COA6: variants seen among roughly 807,000 people sequenced by gnomAD.
COA6 encodes the protein cytochrome c oxidase assembly factor 6 homolog.
COA6 carries 12 observed loss-of-function variants against 17.1 expected under a neutral mutation model. The ratio of observed to expected loss-of-function variants is 0.70; its 90% CI spans 0.45 to 1.14. The LOEUF is 1.14. Among genes scored for constraint, COA6 ranks in the 50% most tolerant of loss-of-function variants. The pLI is 0.00. For missense variants in COA6, 246 were observed against 196.5 expected, an observed-to-expected ratio of 1.25 and a Z score of -1.51; for synonymous variants, 90 against 73.4, an observed-to-expected ratio of 1.23 and a Z score of -1.16.
At chr1:234,373,968 T>C in intron 1 of COA6, 1 of 1,211,676 alleles carries the variant, frequency 8.3e-7, no homozygotes, top group Non-Finnish European at 1.1e-6. Flanking sequence ...CCGGGCTTTC[T>C]GAGCCCACGC....
intron 2 of COA6, among the ~76,000 whole-genome samples, chr1:234,377,057 G>GCCC (rs113737176): frequency 1.7e-5 from 1 of 57,616 alleles, no homozygotes; most frequent in Non-Finnish European, 2.9e-5. Flanking sequence ...TTGCTGTGTT[G>GCCC]CCGAGAGAGA....
chr1:234,381,484 G>T (rs1339022935), intron 2 of COA6, among the ~76,000 whole-genome samples: 1 of 152,186 alleles, frequency 6.6e-6, no homozygotes, highest in African/African-American at 2.4e-5. Context: ...AGAGAGGATG[G>T]ACAGGGGCGC....
intron 2 of COA6, among the ~76,000 whole-genome samples, chr1:234,376,047 G>A (rs1268551220): frequency 6.6e-6 from 1 of 152,176 alleles, no homozygotes; most frequent in Non-Finnish European, 1.5e-5. Context: ...TGCATAACTT[G>A]ACATGTAAAC....
In COA6 at chr1:234,384,342, C is replaced by CA. The variant is rs1314764293; in HGVS notation, c.*530dup. ...TGGATGTCTAGCTAGTCCAGTGAGA[C>CA]AAAAAAGAAAAAGCATACACACTGG... On this transcript the variant is annotated 3_prime_UTR_variant, in exon 3 of 3. Coordinates refer to ENST00000366615, the MANE Select transcript of COA6 (RefSeq NM_001206641.3). 2.0e-5 allele frequency among the ~76,000 whole-genome samples: 3 copies of CA among 151,778 alleles called. No individual in the cohort carries two copies. Among genetic ancestry groups the CA allele is most frequent in the Non-Finnish European group, 4.4e-5 (3 of 67,870 alleles).
intron 2 of COA6, among the ~76,000 whole-genome samples, chr1:234,377,252 G>T (rs1213481457): frequency 6.6e-6 from 1 of 151,762 alleles, no homozygotes; most frequent in African/African-American, 2.4e-5. Context: ...TCAGCCTCCT[G>T]AGTAGCTGGG....
intron 1 of COA6, 178 bp downstream of exon 1, chr1:234,373,856 C>A (rs768367983): frequency 1.9e-6 from 3 of 1,611,144 alleles, no homozygotes; most frequent in Non-Finnish European, 2.5e-6. Context: ...AACAGTAACC[C>A]TGTAAACTAG....
rs560012786 is a variant in COA6 at position 234,376,590 on chromosome 1, C to A, written c.372+2201C>A. 3.3e-5 allele frequency among the ~76,000 whole-genome samples: 5 copies of A among 152,338 alleles called. No individual in the cohort carries two copies. In the East Asian group the frequency reaches 9.6e-4, roughly 29 times the overall value. The stretch of plus-strand genomic sequence containing the variant: ...TTGAACTCAGTAGTCTGATTCCAGA[C>A]CCCACATACTTCTTCCTATGCCTAC... On this transcript the variant is annotated intron_variant, in intron 2 of 2. Coordinates refer to ENST00000366615, the MANE Select transcript of COA6 (RefSeq NM_001206641.3).
intron 1 of COA6, chr1:234,373,894 G>A (rs948505811): frequency 6.3e-7 from 1 of 1,580,210 alleles, no homozygotes; most frequent in Non-Finnish European, 8.6e-7. Context: ...TTACTGGTGG[G>A]AAACGGGCTC....
At chr1:234,379,615 G>A (rs1658912380) in intron 2 of COA6, among the ~76,000 whole-genome samples, 1 of 152,144 alleles carries the variant, frequency 6.6e-6, no homozygotes, top group Admixed American at 6.5e-5. Flanking sequence ...ATAAAGAACT[G>A]CCTGAGACTG....
rs60042887 is a variant in COA6, at chr1:234,383,573, G to GACACACAC, written c.373-132_373-125dup. 7.1e-3 allele frequency: 3,361 copies of GACACACAC among 473,076 alleles called. 75 individuals are homozygous for GACACACAC. The highest frequency in any genetic ancestry group is 0.054 in the African/African-American group (2,568 of 47,738). 29.3% of individuals were successfully genotyped at this position (473,076 alleles called of 1,614,324 possible). A position where few individuals can be genotyped will look rare whatever the true frequency, so the allele number is the denominator to read the frequency against. On this transcript the variant is annotated intron_variant, in intron 2 of 2. Coordinates refer to ENST00000366615, the MANE Select transcript of COA6 (RefSeq NM_001206641.3). ...AAAAACATCATTCATAGTTACAGCT[G>GACACACAC]ACACACACACACACACACACACACA...
chr1:234,377,622 TGTGAGCTCA>T (rs1289685357), intron 2 of COA6, among the ~76,000 whole-genome samples: 3 of 152,220 alleles, frequency 2.0e-5, no homozygotes, highest in Non-Finnish European at 4.4e-5. Flanking sequence ...AAGTTAGGGC[TGTGAGCTCA>T]GCTGCTGTCC....
intron 2 of COA6, among the ~76,000 whole-genome samples, chr1:234,382,252 G>A (rs58418656): frequency 0.099 from 15,022 of 152,276 alleles, 870 homozygotes; most frequent in African/African-American, 0.14. Context: ...AAAAGATTGA[G>A]TGTCATGTTC....
intron 2 of COA6, among the ~76,000 whole-genome samples, chr1:234,377,133 T>TTTTTTTTTG (rs60899682): frequency 2.9e-5 from 2 of 69,544 alleles, no homozygotes; most frequent in Admixed American, 1.5e-4. Context: ...TTTTGTTTTT[T>TTTTTTTTTG]TTGTTGTTGT....
At position 234,373,569 on chromosome 1, in the gene COA6, C is replaced by T. The variant is rs755876952; in HGVS notation, c.103C>T (p.Pro35Ser). The change falls in exon 1 of 3, where the codon CCC becomes TCC. Residue 35 changes from proline to serine, a missense_variant. Pro to Ser is a moderately conservative substitution (Grantham distance 74). Coordinates refer to ENST00000366615, the MANE Select transcript of COA6 (RefSeq NM_001206641.3). ...TCTAGAGCTTGAGCCAGCGGGGCGA[C>T]CCTGCAGTGGCAGGACTCGGCACCG... ...TLLELEPAGR[P>S]CSGRTRHRAL... The T allele has an allele frequency of 1.1e-5, 17 of 1,612,234 alleles. No individual in the cohort carries two copies. In the East Asian group the frequency reaches 1.1e-4, roughly 11 times the overall value.
Position 234,374,395 on chromosome 1 carries a change from T to G in COA6, c.372+6T>G. On this transcript the variant is annotated splice_donor_region_variant and intron_variant, in intron 2 of 2. Transcript: ENST00000366615. ...CAAGTTGTCCCCAACAGTGGGTAAGTCACACTTTGATGTGTTTCTCTTCCC... is the reference window on the plus strand; with the variant it reads ...CAAGTTGTCCCCAACAGTGGGTAAGGCACACTTTGATGTGTTTCTCTTCCC... 6.2e-7 allele frequency: 1 copy of G among 1,613,802 alleles called. No individual in the cohort carries two copies. The highest frequency in any genetic ancestry group is 1.1e-5 in the South Asian group (1 of 91,058).
chr1:234,380,254 T>C (rs1037703708), intron 2 of COA6, among the ~76,000 whole-genome samples: 1 of 152,190 alleles, frequency 6.6e-6, no homozygotes, highest in African/African-American at 2.4e-5. Flanking sequence ...CAGAGATATG[T>C]GTGCATAAGG....
At position 234,373,632 on chromosome 1, in the gene COA6, T is replaced by C. The variant is rs2103014838; in HGVS notation, c.166T>C (p.Ser56Pro). The change falls in exon 1 of 3, where the codon TCC becomes CCC. Residue 56 changes from serine (S) to proline (P), a missense_variant. Ser to Pro is a moderately conservative substitution (Grantham distance 74). Coordinates refer to ENST00000366615, the MANE Select transcript of COA6 (RefSeq NM_001206641.3). ...HRRLVACVTV[S>P]SRRHRKEAGR... Reference sequence around the variant, plus strand: ...CCGGTTGGTGGCCTGCGTGACAGTTTCCTCCCGTCGACATCGAAAGGAAGC... The same window carrying C: ...CCGGTTGGTGGCCTGCGTGACAGTTCCCTCCCGTCGACATCGAAAGGAAGC... 1 of 1,613,292 alleles carries C rather than the reference T, an allele frequency of 6.2e-7. No individual in the cohort carries two copies. The highest frequency in any genetic ancestry group is 1.1e-5 in the South Asian group (1 of 91,020).
chr1:234,373,785 T>G, intron 1 of COA6, 107 bp downstream of exon 1: 1 of 1,613,732 alleles, frequency 6.2e-7, no homozygotes, highest in Non-Finnish European at 8.5e-7. Flanking sequence ...GGGGTGGCAC[T>G]CCAATCGCCT....
At chr1:234,379,088 C>T (rs1159228465) in intron 2 of COA6, among the ~76,000 whole-genome samples, 2 of 150,422 alleles carry the variant, frequency 1.3e-5, no homozygotes, top group Non-Finnish European at 3.0e-5. Context: ...CCATGTTGCC[C>T]AGGCTGGTCT....
Sources: gnomAD v4.1 joint callset for allele counts (sites outside exome capture counted in the v4.1 genomes callset) on GRCh38, gnomAD v4.1.1 for gene constraint, MANE v1.5 for transcripts, NCBI Gene and HGNC (gene_info 2026-07-23, HGNC 2026-07-21) for gene names.